Variants in CLCNKA observed in about 807,000 individuals in gnomAD.
CLCNKA encodes the protein chloride voltage-gated channel Ka, also known as chloride channel protein ClC-Ka.
In CLCNKA, 66 loss-of-function variants were observed where a neutral mutation model predicts 83.3. The ratio of observed to expected loss-of-function variants is 0.79; its 90% CI spans 0.65 to 0.97. The LOEUF (loss-of-function observed/expected upper bound fraction) is 0.97, where lower values mean the gene tolerates loss of function less well. Among genes scored for constraint, CLCNKA ranks in the 50% least tolerant of loss-of-function variants. CLCNKA has a pLI of 0.00. For missense variants in CLCNKA, 806 were observed against 888.7 expected, an observed-to-expected ratio of 0.91 and a Z score of 1.18; for synonymous variants, 357 against 370.4, an observed-to-expected ratio of 0.96 and a Z score of 0.42.
chr1:16,029,376 C>G (rs1038987930), intron 12 of CLCNKA, 77 bp downstream of exon 12: 9 of 1,599,450 alleles, frequency 5.6e-6, no homozygotes, highest in Non-Finnish European at 7.7e-6. Flanking sequence ...CCTCCCTGCA[C>G]CTGGTGGCAT....
At position 16,029,149 on chromosome 1, in the gene CLCNKA, C is replaced by A. The variant is rs778060639; in HGVS notation, c.1077C>A (p.Asp359Glu). The change falls in exon 12 of 20, where the codon GAC (aspartate) becomes GAA (glutamate). Residue 359 changes from aspartate to glutamate, a missense_variant. Coordinates refer to ENST00000331433, the MANE Select transcript of CLCNKA (RefSeq NM_004070.4). ...ASRLSMKQHL[D>E]SLFDNHSWAL... ...AGCTGTCCATGAAGCAGCATCTGGACTCGCTGTTCGACAACCACTCCTGGG... is the reference window on the plus strand; with the variant it reads ...AGCTGTCCATGAAGCAGCATCTGGAATCGCTGTTCGACAACCACTCCTGGG... 61 of 1,611,854 alleles carry A rather than the reference C, an allele frequency of 3.8e-5. No individual in the cohort carries two copies. The highest frequency in any genetic ancestry group is 2.0e-4 in the Middle Eastern group (1 of 4,932).
chr1:16,033,125 G>A, intron 18 of CLCNKA, 45 bp from the exon 19 acceptor site: 1 of 1,595,660 alleles, frequency 6.3e-7, no homozygotes, highest in Non-Finnish European at 8.6e-7. Flanking sequence ...AGGGTGGGCT[G>A]GGCGCCATCT....
intron 3 of CLCNKA, among the ~76,000 whole-genome samples, chr1:16,024,196 C>T (rs556558932): frequency 3.9e-5 from 6 of 152,354 alleles, no homozygotes; most frequent in Admixed American, 1.3e-4. Context: ...CCAGCCACCC[C>T]GTTCCTTCTC....
Position 16,027,252 on chromosome 1 carries a change from C to T in CLCNKA, c.656-58C>T, listed in dbSNP as rs112380901. ...GGAGGAGGCGAGATGGGGGAGGGGG[C>T]CCTACAGCCACAGGTGGGTGGGGGT... On this transcript the variant is annotated intron_variant, in intron 7 of 19. Transcript: ENST00000331433. The T allele has an allele frequency of 6.5e-5, 104 of 1,608,222 alleles. 1 individual carries two copies. The South Asian group carries it at 9.2e-4, about 14-fold the overall frequency.
At position 16,026,193 on chromosome 1, in the gene CLCNKA, G is replaced by C. The variant is rs2022338768; in HGVS notation, c.444G>C (p.Val148=). The change falls in exon 5 of 20, where the codon GTG becomes GTC. Residue 148 remains valine (V), a synonymous_variant. Coordinates refer to ENST00000331433, the MANE Select transcript of CLCNKA (RefSeq NM_004070.4). The part of the protein sequence containing the change: ...YLDIKNFGAK[V]VGLSCTLATG... ...ATATCAAGAACTTTGGGGCCAAGGTGGTGGGCCTCTCCTGCACCCTGGCCA... is the reference window on the plus strand; with the variant it reads ...ATATCAAGAACTTTGGGGCCAAGGTCGTGGGCCTCTCCTGCACCCTGGCCA... 6.2e-7 allele frequency: 1 copy of C among 1,613,928 alleles called. No homozygotes were observed. Among genetic ancestry groups the C allele is most frequent in the East Asian group, 2.2e-5 (1 of 44,882 alleles).
intron 3 of CLCNKA, 37 bp downstream of exon 3, chr1:16,023,965 G>T: frequency 6.2e-7 from 1 of 1,612,802 alleles, no homozygotes; most frequent in Non-Finnish European, 8.5e-7. Context: ...CTGGGCCAAG[G>T]GATTCTAGGC....
chr1:16,028,745 C>T lies in CLCNKA; in HGVS notation c.969-16C>T, dbSNP rs199788794. 4.3e-6 allele frequency: 7 copies of T among 1,613,894 alleles called. No homozygotes were observed. ...GAAAGGGAGGGCCAGCCCTAGAGCT[C>T]ACCCACCCCCCACAGCAAGCCTGTG... is the stretch of plus-strand genomic sequence containing the variant. On this transcript the variant is annotated splice_polypyrimidine_tract_variant and intron_variant, in intron 10 of 19. Transcript: ENST00000331433.
rs1353642367 is a variant in CLCNKA, at chr1:16,033,718, G to T, written c.*60G>T. On this transcript the variant is annotated 3_prime_UTR_variant, in exon 20 of 20. Transcript: ENST00000331433. ...TGACCTGGTACTGAGGTTGGGCTGA[G>T]ACCCTGCTTCTCTTCCCCCATCACC... 5.8e-6 allele frequency: 9 copies of T among 1,556,788 alleles called. No homozygotes were observed. The East Asian group carries it at 2.0e-4, about 35-fold the overall frequency.
Position 16,032,238 on chromosome 1 carries a change from C to T in CLCNKA, c.1792C>T (p.Gln598Ter). Residue 598 changes from glutamine (Q) to a stop codon, truncating the protein, a stop_gained, in exon 17 of 20, where the codon CAG becomes TAG. Coordinates refer to ENST00000331433, the MANE Select transcript of CLCNKA (RefSeq NM_004070.4). LOFTEE classifies it high-confidence loss of function. ...QILVGIVQRA[Q>*]LVQALQAEPP... ...CCTGGTAGGCATCGTGCAGAGGGCC[C>T]AGCTGGTGCAGGCCCTCCAGGCTGA... 1 of 1,612,524 alleles carries T rather than the reference C, an allele frequency of 6.2e-7. No individual in the cohort carries two copies. The highest frequency in any genetic ancestry group is 1.1e-5 in the South Asian group (1 of 91,064).
Position 16,032,432 on chromosome 1 carries a change from C to T in CLCNKA, c.1846-11C>T, listed in dbSNP as rs754174548. On this transcript the variant is annotated splice_polypyrimidine_tract_variant and intron_variant, in intron 17 of 19. Transcript: ENST00000331433. Reference sequence around the variant, plus strand: ...GCCGGCCCTGCACCCATAACTCTTCCCCACTCCCAGCAGTGTCTCCAGGAC... The same window carrying T: ...GCCGGCCCTGCACCCATAACTCTTCTCCACTCCCAGCAGTGTCTCCAGGAC... The T allele has an allele frequency of 1.9e-6, 3 of 1,609,746 alleles. No individual in the cohort carries two copies. The highest frequency in any genetic ancestry group is 2.2e-5 in the East Asian group (1 of 44,872).
Position 16,029,868 on chromosome 1 carries a change from A to G in CLCNKA, c.1297+68A>G. 1.9e-6 allele frequency: 3 copies of G among 1,608,210 alleles called. No homozygotes were observed. The South Asian group carries it at 3.3e-5, about 18-fold the overall frequency. On this transcript the variant is annotated intron_variant, in intron 13 of 19. Coordinates refer to ENST00000331433, the MANE Select transcript of CLCNKA (RefSeq NM_004070.4). ...GGGGCAGGGCCATGCATCCTGGTTC[A>G]CCCTCTTCCCGGGTGGTACTAAGGA...
chr1:16,026,883 C>G, intron 7 of CLCNKA, 108 bp downstream of exon 7: 12 of 1,434,942 alleles, frequency 8.4e-6, no homozygotes, highest in Non-Finnish European at 1.2e-5. Flanking sequence ...GGGGCTCATT[C>G]TTGTTCTCAC....
At chr1:16,030,357 A>T (rs1262372634) in intron 14 of CLCNKA, 104 bp from the exon 15 acceptor site, 13 of 1,432,846 alleles carry the variant, frequency 9.1e-6, no homozygotes, top group Non-Finnish European at 1.3e-5. Flanking sequence ...GCCTCTTACA[A>T]TTCCCACCCT....
Position 16,029,283 on chromosome 1 carries a change from T to A in CLCNKA, c.1211T>A (p.Phe404Tyr), listed in dbSNP as rs762172749. Reference protein sequence around the residue: ...PRFTIFGTLAFFLVMKFWMLI... With the variant: ...PRFTIFGTLAYFLVMKFWMLI... ...TTCACCATCTTTGGGACCCTTGCCTTCTTCCTGGTTATGAAGGTGGGCCCC... is the reference window on the plus strand; with the variant it reads ...TTCACCATCTTTGGGACCCTTGCCTACTTCCTGGTTATGAAGGTGGGCCCC... The change falls in exon 12 of 20, where the codon TTC becomes TAC. Residue 404 changes from phenylalanine to tyrosine, a missense_variant. Transcript: ENST00000331433. 3 of 1,613,862 alleles carry A rather than the reference T, an allele frequency of 1.9e-6. No homozygotes were observed.
Position 16,028,742 on chromosome 1 carries a change from G to C in CLCNKA, c.969-19G>C, listed in dbSNP as rs2022488336. On this transcript the variant is annotated intron_variant, in intron 10 of 19. Transcript: ENST00000331433. ...TAGGAAAGGGAGGGCCAGCCCTAGA[G>C]CTCACCCACCCCCCACAGCAAGCCT... 1 of 1,613,964 alleles carries C rather than the reference G, an allele frequency of 6.2e-7. No individual in the cohort carries two copies. Among genetic ancestry groups the C allele is most frequent in the African/African-American group, 1.3e-5 (1 of 75,060 alleles).
chr1:16,030,553 G>A lies in CLCNKA; in HGVS notation c.1501G>A (p.Val501Met), dbSNP rs772885800. 1.5e-5 allele frequency: 24 copies of A among 1,613,170 alleles called. No individual in the cohort carries two copies. Among genetic ancestry groups the A allele is most frequent in the South Asian group, 5.5e-5 (5 of 91,084 alleles). ...CGGCCAGATAGTGCATGCACTGCCC[G>A]TGCTGATGGCGGTGCTGGCAGCCAA... Reference protein sequence around the residue: ...LTGQIVHALPVLMAVLAANAI... With the variant: ...LTGQIVHALPMLMAVLAANAI... Residue 501 changes from valine (V) to methionine (M), a missense_variant, in exon 15 of 20, where the codon GTG becomes ATG. By Grantham distance (21) the Val-to-Met change is conservative (BLOSUM62 1). Transcript: ENST00000331433.
At chr1:16,022,797 C>G in intron 2 of CLCNKA, 78 bp downstream of exon 2, 1 of 1,058,914 alleles carries the variant, frequency 9.4e-7, no homozygotes, top group Non-Finnish European at 1.3e-6. Flanking sequence ...CCCCACCTCT[C>G]TGCCCAGGAA....
intron 15 of CLCNKA, among the ~76,000 whole-genome samples, chr1:16,031,209 G>A (rs2022611479): frequency 6.6e-6 from 1 of 152,224 alleles, no homozygotes; most frequent in Non-Finnish European, 1.5e-5. Context: ...CAAACAAGCT[G>A]CTGCCTTGCT....
chr1:16,024,742 C>A (rs1222327897), intron 3 of CLCNKA, 21 bp from the exon 4 acceptor site: 1 of 1,613,700 alleles, frequency 6.2e-7, no homozygotes, highest in Admixed American at 1.7e-5. Context: ...GGGTGCCTCC[C>A]TGATACGCGG....
Sources: gnomAD v4.1 joint callset for allele counts (sites outside exome capture counted in the v4.1 genomes callset) on GRCh38, gnomAD v4.1.1 for gene constraint, MANE v1.5 for transcripts, NCBI Gene and HGNC (gene_info 2026-07-23, HGNC 2026-07-21) for gene names.